The following LRP1B variants were observed in gnomAD, a reference collection of about 807,000 sequenced individuals.
The protein encoded by LRP1B is low-density lipoprotein receptor-related protein 1B.
In LRP1B, 217 loss-of-function variants were observed where a neutral mutation model predicts 556.6. The observed-to-expected ratio is 0.39, with a 90% CI of 0.35 to 0.44. The LOEUF (loss-of-function observed/expected upper bound fraction) is 0.44, where lower values mean the gene tolerates loss of function less well. Among genes scored for constraint, LRP1B ranks in the 20% least tolerant of loss-of-function variants. The pLI, the probability that LRP1B is intolerant of heterozygous loss-of-function variation, is 1.00. For missense variants in LRP1B, 5,053 were observed against 5,620.8 expected (o/e 0.90, Z 3.23); for synonymous variants, 2,047 against 1,865.8 (o/e 1.10, Z -2.50).
intron 3 of LRP1B, among the ~76,000 whole-genome samples, chr2:141,294,292 T>C (rs1255094560): frequency 6.6e-6 from 1 of 152,214 alleles, no homozygotes; most frequent in African/African-American, 2.4e-5. Flanking sequence ...AGAAAAAATA[T>C]ACTTTGGATT....
intron 32 of LRP1B, among the ~76,000 whole-genome samples, chr2:140,792,317 A>G (rs1690150584): frequency 6.6e-6 from 1 of 152,102 alleles, no homozygotes; most frequent in African/African-American, 2.4e-5. Flanking sequence ...CAGACATTGA[A>G]CCTAAGAGGG....
chr2:141,810,150 AAAGAAAGAAAGAAAGAAG>A, intron 2 of LRP1B, 111 bp downstream of exon 2: 3 of 467,932 alleles, frequency 6.4e-6, no homozygotes, highest in African/African-American at 8.1e-5. Flanking sequence ...AGAAAGAAAG[AAAGAAAGAAAGAAAGAAG>A]GAAAGAAAGA....
chr2:141,637,862 G>A (rs1432846256), intron 2 of LRP1B, among the ~76,000 whole-genome samples: 1 of 152,156 alleles, frequency 6.6e-6, no homozygotes, highest in Non-Finnish European at 1.5e-5. Flanking sequence ...TAGCTTAGCA[G>A]CATCTCCTTG....
At chr2:140,748,145 T>TATTC (rs1688389664) in intron 35 of LRP1B, among the ~76,000 whole-genome samples, 1 of 137,430 alleles carries the variant, frequency 7.3e-6, no homozygotes, top group East Asian at 2.1e-4. Context: ...ATAATTCATA[T>TATTC]ATATGTGTGT....
chr2:141,286,016 A>G (rs76263785), intron 3 of LRP1B, among the ~76,000 whole-genome samples: 123 of 144,036 alleles, frequency 8.5e-4, no homozygotes, highest in Middle Eastern at 3.5e-3. Flanking sequence ...GCAGTGAGCC[A>G]AGATCCCGCC....
At chr2:141,494,784 G>T (rs1184802146) in intron 2 of LRP1B, among the ~76,000 whole-genome samples, 1 of 146,568 alleles carries the variant, frequency 6.8e-6, no homozygotes, top group Admixed American at 7.1e-5. Context: ...GGTTTATTTA[G>T]AGTAAAAGAA....
At chr2:141,145,922 C>CTTTCTTTT (rs1305781791) in intron 7 of LRP1B, among the ~76,000 whole-genome samples, 5 of 67,220 alleles carry the variant, frequency 7.4e-5, no homozygotes, top group African/African-American at 3.1e-4. Context: ...TTCTTTCTTT[C>CTTTCTTTT]TTTTTTTTTT....
intron 77 of LRP1B, among the ~76,000 whole-genome samples, chr2:140,350,215 G>A (rs1681894047): frequency 6.6e-6 from 1 of 151,738 alleles, no homozygotes; most frequent in South Asian, 2.1e-4. Context: ...ACCATAAATT[G>A]AAACATGTTC....
At chr2:140,842,153 T>G (rs1016611835) in intron 29 of LRP1B, among the ~76,000 whole-genome samples, 1 of 152,194 alleles carries the variant, frequency 6.6e-6, no homozygotes, top group Non-Finnish European at 1.5e-5. Context: ...CTAGTCGAAT[T>G]GCTATAACTT....
At chr2:140,550,372 T>C (rs1680503262) in intron 43 of LRP1B, among the ~76,000 whole-genome samples, 1 of 152,118 alleles carries the variant, frequency 6.6e-6, no homozygotes, top group Admixed American at 6.6e-5. Context: ...CAAAGTACCC[T>C]AAGTTGTGAG....
intron 1 of LRP1B, among the ~76,000 whole-genome samples, chr2:142,127,705 C>T (rs1310242506): frequency 1.3e-5 from 2 of 151,922 alleles, no homozygotes; most frequent in East Asian, 1.9e-4. Context: ...TTTTGATATA[C>T]ATTTAATTGC....
intron 2 of LRP1B, 123 bp downstream of exon 2, chr2:141,810,156 A>G (rs1209035150): frequency 1.7e-5 from 8 of 472,632 alleles, no homozygotes; most frequent in South Asian, 1.2e-4. Context: ...AAAGAAAGAA[A>G]GAAAGAAAGA....
intron 51 of LRP1B, among the ~76,000 whole-genome samples, chr2:140,511,937 A>G (rs13000194): frequency 0.19 from 28,225 of 152,104 alleles, 2,834 homozygotes; most frequent in Non-Finnish European, 0.22. Flanking sequence ...ATGAAACCAT[A>G]AAGTGTCCTT....
intron 49 of LRP1B, among the ~76,000 whole-genome samples, chr2:140,519,805 A>G (rs1690078276): frequency 6.6e-6 from 1 of 152,218 alleles, no homozygotes; most frequent in Admixed American, 6.5e-5. Flanking sequence ...GACAAAGGAT[A>G]TAAACAGACA....
In LRP1B at chr2:141,446,254, A is replaced by G. The variant is rs951499634; in HGVS notation, c.343+34142T>C. Among the ~76,000 whole-genome samples, 130 of 151,186 alleles carry G rather than the reference A, an allele frequency of 8.6e-4. 1 individual carries two copies. Among genetic ancestry groups the G allele is most frequent in the Non-Finnish European group, 3.5e-4 (24 of 67,722 alleles). On this transcript the variant is annotated intron_variant, in intron 3 of 90. Coordinates refer to ENST00000389484, the MANE Select transcript of LRP1B (RefSeq NM_018557.3). Reference sequence around the variant, plus strand: ...ACCCCTGCTCTTTTTTTTGCTTTTGATTTGTTTGGTAAATATTCCTCCATT... The same window carrying G: ...ACCCCTGCTCTTTTTTTTGCTTTTGGTTTGTTTGGTAAATATTCCTCCATT...
At chr2:140,590,226 A>T (rs1682160177) in intron 43 of LRP1B, among the ~76,000 whole-genome samples, 1 of 136,986 alleles carries the variant, frequency 7.3e-6, no homozygotes, top group Admixed American at 7.6e-5. Context: ...AATTTTGGGA[A>T]TTTTTAAATG....
At chr2:140,804,341 A>C (rs946935022) in intron 32 of LRP1B, among the ~76,000 whole-genome samples, 1 of 152,106 alleles carries the variant, frequency 6.6e-6, no homozygotes, top group Admixed American at 6.5e-5. Context: ...TTCCATGATA[A>C]CTAGCCATAA....
At chr2:140,811,281 C>T (rs948127989) in intron 32 of LRP1B, among the ~76,000 whole-genome samples, 1 of 152,068 alleles carries the variant, frequency 6.6e-6, no homozygotes, top group Admixed American at 6.6e-5. Flanking sequence ...GTCAACAAAC[C>T]TAACATCTTT....
chr2:142,001,477 T>C (rs890423434), intron 1 of LRP1B, among the ~76,000 whole-genome samples: 1 of 152,190 alleles, frequency 6.6e-6, no homozygotes, highest in African/African-American at 2.4e-5. Context: ...TTAGTAATTA[T>C]TTGTTAATTG....
Sources: gnomAD v4.1 joint callset for allele counts (sites outside exome capture counted in the v4.1 genomes callset) on GRCh38, gnomAD v4.1.1 for gene constraint, MANE v1.5 for transcripts, NCBI Gene and HGNC (gene_info 2026-07-23, HGNC 2026-07-21) for gene names.